Variants in DPP6 observed in about 807,000 individuals in gnomAD.
The protein encoded by DPP6 is A-type potassium channel modulatory protein DPP6.
A neutral mutation model predicts 122.6 loss-of-function variants in DPP6; 69 were observed. The ratio of observed to expected loss-of-function variants is 0.56; its 90% CI spans 0.46 to 0.69. The LOEUF is 0.69. DPP6 is among the 30% of genes least tolerant of loss of function. DPP6 has a pLI of 0.00. For synonymous variants in DPP6, 418 were observed against 433.1 expected, an observed-to-expected ratio of 0.97 and a Z score of 0.43; for missense variants, 928 against 1,116.9, an observed-to-expected ratio of 0.83 and a Z score of 2.41.
chr7:154,657,020 A>G (rs77752179), intron 6 of DPP6, among the ~76,000 whole-genome samples: 165 of 688 alleles, frequency 0.24, 52 homozygotes, highest in South Asian at 0.5. Context: ...CCCAGAGATG[A>G]GTGGAGAGGC....
chr7:154,315,506 C>T (rs909092603), intron 1 of DPP6, among the ~76,000 whole-genome samples: 31 of 151,998 alleles, frequency 2.0e-4, no homozygotes, highest in African/African-American at 6.3e-4. Flanking sequence ...CCAGGTTGAG[C>T]GTCTCTGTGG....
intron 1 of DPP6, among the ~76,000 whole-genome samples, chr7:154,208,356 G>A (rs1799563699): frequency 6.6e-6 from 1 of 152,170 alleles, no homozygotes; most frequent in Non-Finnish European, 1.5e-5. Context: ...CCTTGCTGTT[G>A]CCAGCATTAC....
intron 12 of DPP6, chr7:154,796,092 G>A (rs998287687): frequency 2.9e-6 from 2 of 687,852 alleles, no homozygotes. Flanking sequence ...CAAGTTCCAG[G>A]GAGGGTCGTG....
intron 1 of DPP6, among the ~76,000 whole-genome samples, chr7:154,307,318 C>T (rs373008638): frequency 1.3e-5 from 2 of 152,134 alleles, no homozygotes; most frequent in Non-Finnish European, 2.9e-5. Context: ...CCTATTCAAT[C>T]GGAGAAGGCT....
chr7:154,359,536 G>A (rs1156846573), intron 1 of DPP6, among the ~76,000 whole-genome samples: 4 of 152,114 alleles, frequency 2.6e-5, no homozygotes, highest in African/African-American at 4.8e-5. Flanking sequence ...TTCCAGCTTA[G>A]TTTCAGTGGC....
chr7:154,530,954 T>C (rs571518071), intron 3 of DPP6, among the ~76,000 whole-genome samples: 9 of 152,126 alleles, frequency 5.9e-5, no homozygotes, highest in Middle Eastern at 3.4e-3. Flanking sequence ...AGTGAGAACA[T>C]ATGGACACAT....
intron 1 of DPP6, among the ~76,000 whole-genome samples, chr7:154,331,459 G>A (rs1808934412): frequency 6.6e-6 from 1 of 152,122 alleles, no homozygotes; most frequent in African/African-American, 2.4e-5. Context: ...ACTCACCTTT[G>A]TAAATGAGCC....
chr7:154,890,796 C>T (rs1806540061), intron 25 of DPP6: 1 of 152,166 alleles, frequency 6.6e-6, no homozygotes, highest in African/African-American at 2.4e-5. Flanking sequence ...CTGCCCATAT[C>T]CTCTTGTACT....
intron 3 of DPP6, among the ~76,000 whole-genome samples, chr7:154,539,774 CAT>C (rs1802395549): frequency 6.8e-6 from 1 of 147,626 alleles, no homozygotes; most frequent in Admixed American, 6.7e-5. Flanking sequence ...ATGAAATAAA[CAT>C]TTTTTTAAAT....
chr7:154,609,979 A>C (rs1833805572), intron 5 of DPP6, among the ~76,000 whole-genome samples: 1 of 152,198 alleles, frequency 6.6e-6, no homozygotes, highest in African/African-American at 2.4e-5. Flanking sequence ...ATCACATATA[A>C]CCATACAAAA....
In DPP6 at chr7:154,250,829, A is replaced by G. The variant is rs184132869; in HGVS notation, c.244-195385A>G. On this transcript the variant is annotated intron_variant, in intron 1 of 25. Transcript: ENST00000377770. ...GGGGGTGGGGTGCGTGCTGAGGGTAATCGTTGCCTGGAGGCACATAGGCTA... is the reference window on the plus strand; with the variant it reads ...GGGGGTGGGGTGCGTGCTGAGGGTAGTCGTTGCCTGGAGGCACATAGGCTA... 1.9e-3 allele frequency among the ~76,000 whole-genome samples: 287 copies of G among 152,298 alleles called. 2 individuals carry two copies. The highest frequency in any genetic ancestry group is 0.017 in the Middle Eastern group (5 of 294).
chr7:153,772,626 G>A, the DPP6 span, among the ~76,000 whole-genome samples: 3 of 151,814 alleles, frequency 2.0e-5, no homozygotes, highest in African/African-American at 4.8e-5. Context: ...GAGATCAACT[G>A]TAATATTAAG....
At chr7:154,259,063 C>T (rs1026962629) in intron 1 of DPP6, among the ~76,000 whole-genome samples, 4 of 152,124 alleles carry the variant, frequency 2.6e-5, no homozygotes, top group African/African-American at 7.2e-5. Flanking sequence ...GACATGGATG[C>T]GTGTGGCCTG....
intron 4 of DPP6, among the ~76,000 whole-genome samples, chr7:154,562,644 A>G (rs747850679): frequency 6.6e-6 from 1 of 152,214 alleles, no homozygotes; most frequent in Non-Finnish European, 1.5e-5. Flanking sequence ...TAGAAAAGAA[A>G]GGAAATACCT....
At chr7:153,828,960 G>T in the DPP6 span, among the ~76,000 whole-genome samples, 1 of 152,172 alleles carries the variant, frequency 6.6e-6, no homozygotes, top group Non-Finnish European at 1.5e-5. Context: ...GAATATATTT[G>T]TTCCAAAATT....
At position 154,795,784 on chromosome 7, in the gene DPP6, C is replaced by CAA. The variant is rs376336221; in HGVS notation, c.1261-50_1261-49dup. The stretch of plus-strand genomic sequence containing the variant: ...CTGTCGGTCACAGACACAATACATG[C>CAA]AAAAAAAAAAAAGAAAAGAAAAGAA... On this transcript the variant is annotated intron_variant, in intron 11 of 25. Transcript: ENST00000377770. 9.8e-4 allele frequency: 1,150 copies of CAA among 1,167,770 alleles called. 3 individuals carry two copies. The highest frequency in any genetic ancestry group is 4.7e-3 in the East Asian group (146 of 31,144). 72.3% of individuals were successfully genotyped at this position (1,167,770 alleles called of 1,614,324 possible).
intron 5 of DPP6, among the ~76,000 whole-genome samples, chr7:154,570,330 A>G (rs1831030332): frequency 6.6e-6 from 1 of 151,964 alleles, no homozygotes. Flanking sequence ...ACTAATTGCA[A>G]TGTTATATCA....
chr7:154,704,297 C>A (rs549066668), intron 7 of DPP6, among the ~76,000 whole-genome samples: 1 of 152,250 alleles, frequency 6.6e-6, no homozygotes, highest in African/African-American at 2.4e-5. Flanking sequence ...CTTCTAGGAA[C>A]GAGCAAAGAA....
chr7:154,140,368 T>A (rs1190732126), intron 1 of DPP6, among the ~76,000 whole-genome samples: 1 of 152,240 alleles, frequency 6.6e-6, no homozygotes, highest in South Asian at 2.1e-4. Flanking sequence ...CAAGTAAACA[T>A]GTAAACATGG....
Sources: gnomAD v4.1 joint callset for allele counts (sites outside exome capture counted in the v4.1 genomes callset) on GRCh38, gnomAD v4.1.1 for gene constraint, MANE v1.5 for transcripts, NCBI Gene and HGNC (gene_info 2026-07-23, HGNC 2026-07-21) for gene names.